FOXP2: variants seen among roughly 807,000 people sequenced by gnomAD.
FOXP2 encodes the protein forkhead box protein P2.
FOXP2 carries 12 observed loss-of-function variants against 115.8 expected under a neutral mutation model. The observed-to-expected ratio is 0.10, with a 90% CI of 0.07 to 0.17. FOXP2 has a LOEUF of 0.17. Ranked by LOEUF, FOXP2 falls within the 10% of genes least tolerant of loss-of-function variation. The pLI, the probability that FOXP2 is intolerant of heterozygous loss-of-function variation, is 1.00. For synonymous variants in FOXP2, 328 were observed against 297.7 expected (o/e 1.10, Z -1.05); for missense variants, 629 against 843.5 (o/e 0.75, Z 3.15).
intron 1 of FOXP2, among the ~76,000 whole-genome samples, chr7:114,227,939 C>T (rs1448568628): frequency 1.3e-5 from 2 of 151,978 alleles, no homozygotes; most frequent in African/African-American, 4.8e-5. Flanking sequence ...AATATCACAG[C>T]AAACCAATGG....
chr7:114,221,644 T>C (rs1794625737), intron 1 of FOXP2, among the ~76,000 whole-genome samples: 1 of 152,176 alleles, frequency 6.6e-6, no homozygotes, highest in African/African-American at 2.4e-5. Flanking sequence ...CCTAGGGCTG[T>C]ATACTGTACT....
At chr7:114,260,873 C>T (rs557586986) in intron 1 of FOXP2, among the ~76,000 whole-genome samples, 5 of 151,066 alleles carry the variant, frequency 3.3e-5, no homozygotes, top group East Asian at 1.9e-4. Context: ...GGCAATTAAC[C>T]GAACACATGA....
rs1796295252 is a variant in FOXP2, at chr7:114,476,892, T to A, written c.168+50213T>A. Among the ~76,000 whole-genome samples, 3 of 152,110 alleles carry A rather than the reference T, an allele frequency of 2.0e-5. No homozygotes were observed. The South Asian group carries it at 6.2e-4, about 31-fold the overall frequency. On this transcript the variant is annotated intron_variant, in intron 2 of 16. Coordinates refer to ENST00000350908, the MANE Select transcript of FOXP2 (RefSeq NM_014491.4). ...GTAGCTACTGTAAATGGCCAAATAATATGCAAAAGTGCTCAGCATCACTAA... is the reference window on the plus strand; with the variant it reads ...GTAGCTACTGTAAATGGCCAAATAAAATGCAAAAGTGCTCAGCATCACTAA...
At chr7:114,449,605 C>A (rs1794984807) in intron 2 of FOXP2, among the ~76,000 whole-genome samples, 1 of 152,036 alleles carries the variant, frequency 6.6e-6, no homozygotes, top group Non-Finnish European at 1.5e-5. Flanking sequence ...TCATCACTAA[C>A]CTCTCTTTGA....
chr7:114,184,289 A>G (rs575977278), intron 1 of FOXP2, among the ~76,000 whole-genome samples: 1 of 152,292 alleles, frequency 6.6e-6, no homozygotes, highest in South Asian at 2.1e-4. Flanking sequence ...TCCTATTATA[A>G]TACTAGACTC....
chr7:114,267,122 ATTC>A (rs1396178300), intron 1 of FOXP2, among the ~76,000 whole-genome samples: 3 of 152,142 alleles, frequency 2.0e-5, no homozygotes, highest in Non-Finnish European at 4.4e-5. Flanking sequence ...GCCAAATCCT[ATTC>A]TTCTTGCCAA....
At chr7:114,358,852 T>C (rs1254520708) in intron 2 of FOXP2, among the ~76,000 whole-genome samples, 6 of 152,110 alleles carry the variant, frequency 3.9e-5, no homozygotes, top group African/African-American at 1.4e-4. Flanking sequence ...TTGGAACTTA[T>C]ATTTAAAAAG....
At chr7:114,324,691 GTAT>G (rs1797512903) in intron 2 of FOXP2, among the ~76,000 whole-genome samples, 1 of 151,766 alleles carries the variant, frequency 6.6e-6, no homozygotes, top group African/African-American at 2.4e-5. Context: ...TACAGAAATG[GTAT>G]TATTATATCA....
chr7:114,211,603 G>T (rs1794352538), intron 1 of FOXP2, among the ~76,000 whole-genome samples: 1 of 152,196 alleles, frequency 6.6e-6, no homozygotes, highest in African/African-American at 2.4e-5. Context: ...GCTGTGGACT[G>T]CAGCTGCTTC....
chr7:114,484,779 T>G (rs954395968), intron 2 of FOXP2, among the ~76,000 whole-genome samples: 2 of 151,988 alleles, frequency 1.3e-5, no homozygotes, highest in African/African-American at 2.4e-5. Context: ...ACGTTTTAGA[T>G]ATCACAAGTT....
At chr7:114,359,777 T>C (rs1195225025) in intron 2 of FOXP2, among the ~76,000 whole-genome samples, 1 of 152,226 alleles carries the variant, frequency 6.6e-6, no homozygotes, top group African/African-American at 2.4e-5. Flanking sequence ...ATTTACCCAA[T>C]GCCTGAATCC....
At chr7:114,384,351 G>T (rs148452874) in intron 2 of FOXP2, among the ~76,000 whole-genome samples, 1 of 152,184 alleles carries the variant, frequency 6.6e-6, no homozygotes, top group East Asian at 1.9e-4. Flanking sequence ...TTCAGAGAGG[G>T]TATAGCTAAC....
At chr7:114,526,269 G>A (rs1798856696) in intron 2 of FOXP2, among the ~76,000 whole-genome samples, 1 of 149,274 alleles carries the variant, frequency 6.7e-6, no homozygotes. Context: ...ACGAGGTCAG[G>A]AATTCGAGAT....
chr7:114,338,469 C>A (rs1791110257), intron 2 of FOXP2, among the ~76,000 whole-genome samples: 1 of 150,740 alleles, frequency 6.6e-6, no homozygotes, highest in South Asian at 2.1e-4. Flanking sequence ...TTAAAATTAT[C>A]ATTTAAAAAC....
intron 10 of FOXP2, 40 bp from the exon 11 acceptor site, chr7:114,658,024 TTG>T: frequency 6.2e-7 from 1 of 1,609,232 alleles, no homozygotes; most frequent in South Asian, 1.1e-5. Context: ...TCTTTTTCTC[TTG>T]TCTCTACCTT....
intron 3 of FOXP2, among the ~76,000 whole-genome samples, chr7:114,579,637 G>C (rs1206869218): frequency 2.0e-5 from 3 of 151,968 alleles, no homozygotes; most frequent in Admixed American, 2.0e-4. Flanking sequence ...CCCGAACTCA[G>C]TTACTGTTGC....
At chr7:114,473,449 C>T (rs547528241) in intron 2 of FOXP2, among the ~76,000 whole-genome samples, 2 of 152,220 alleles carry the variant, frequency 1.3e-5, no homozygotes, top group South Asian at 4.1e-4. Context: ...AAAGTTATTT[C>T]GTTATAATAT....
intron 1 of FOXP2, among the ~76,000 whole-genome samples, chr7:114,285,209 T>C (rs1796438804): frequency 6.6e-6 from 1 of 152,106 alleles, no homozygotes; most frequent in Non-Finnish European, 1.5e-5. Flanking sequence ...GTTTTTTTGG[T>C]ATGTGACTTT....
intron 1 of FOXP2, among the ~76,000 whole-genome samples, chr7:114,275,296 A>G (rs894170999): frequency 6.6e-6 from 1 of 152,022 alleles, no homozygotes; most frequent in Non-Finnish European, 1.5e-5. Flanking sequence ...TTATGTGTAT[A>G]TTAGACATTG....
Sources: gnomAD v4.1 joint callset for allele counts (sites outside exome capture counted in the v4.1 genomes callset) on GRCh38, gnomAD v4.1.1 for gene constraint, MANE v1.5 for transcripts, NCBI Gene and HGNC (gene_info 2026-07-23, HGNC 2026-07-21) for gene names.